GALNT6: variants seen among roughly 807,000 people sequenced by gnomAD.
GALNT6 encodes the protein polypeptide N-acetylgalactosaminyltransferase 6.
GALNT6 carries 51 observed loss-of-function variants against 65.9 expected under a neutral mutation model. The observed-to-expected ratio is 0.77, with a 90% confidence interval of 0.62 to 0.98. The LOEUF (loss-of-function observed/expected upper bound fraction) is 0.98. GALNT6 is among the 50% of genes least tolerant of loss of function. GALNT6 has a pLI of 0.00. For synonymous variants in GALNT6, 323 were observed against 315.1 expected, an observed-to-expected ratio of 1.02 and a Z score of -0.26; for missense variants, 708 against 803.3, an observed-to-expected ratio of 0.88 and a Z score of 1.43.
rs767866539 is a variant in GALNT6 at position 51,379,541 on chromosome 12, T to C, written c.241A>G (p.Thr81Ala). 1.2e-6 allele frequency: 2 copies of C among 1,613,926 alleles called. No homozygotes were observed. Among genetic ancestry groups the C allele is most frequent in the Non-Finnish European group, 1.7e-6 (2 of 1,179,984 alleles). The change falls in exon 3 of 12, where the codon ACT becomes GCT. Residue 81 changes from threonine (T) to alanine (A), a missense_variant. By Grantham distance (58) the Thr-to-Ala change is moderately conservative. Coordinates refer to ENST00000356317, the MANE Select transcript of GALNT6 (RefSeq NM_007210.4). ...LQIRAPEAQQ[T>A]LFSINQSCLP... ...CAGGACTGGTTTATGGAGAACAGAG[T>C]CTGCTGGGCTTCTGGAGCCCTGATT...
At chr12:51,379,140 G>T (rs1368877162) in intron 3 of GALNT6, 151 bp downstream of exon 3, 13 of 759,740 alleles carry the variant, frequency 1.7e-5, no homozygotes, top group Non-Finnish European at 2.6e-5. Context: ...CAGTTGTTCT[G>T]GGAAAGAAGT....
Position 51,367,457 on chromosome 12 carries a change from A to G in GALNT6, c.665-1878T>C, listed in dbSNP as rs554612254. 3.7e-4 allele frequency among the ~76,000 whole-genome samples: 57 copies of G among 152,336 alleles called. No homozygotes were observed. In the Middle Eastern group the frequency reaches 0.037, roughly 100 times the overall value. On this transcript the variant is annotated intron_variant, in intron 4 of 11. Transcript: ENST00000356317. ...TCAAAACAAAAAACAAACGAAGAATAGCTCTATTCTGAAGCAGTCCATCTT... is the reference window on the plus strand; with the variant it reads ...TCAAAACAAAAAACAAACGAAGAATGGCTCTATTCTGAAGCAGTCCATCTT...
rs142204436 is a variant in GALNT6 at position 51,389,818 on chromosome 12, G to C, written c.-104+1032C>G. ...GGCAAATATGTTTCTGACCTCACAG[G>C]GCACCTGACACACATCAGGGCCTCC... On this transcript the variant is annotated intron_variant, in intron 2 of 11. Coordinates refer to ENST00000356317, the MANE Select transcript of GALNT6 (RefSeq NM_007210.4). Among the ~76,000 whole-genome samples, 174 of 152,278 alleles carry C rather than the reference G, an allele frequency of 1.1e-3. 1 individual carries two copies. The highest frequency in any genetic ancestry group is 4.1e-3 in the African/African-American group (169 of 41,534).
intron 5 of GALNT6, among the ~76,000 whole-genome samples, chr12:51,364,812 C>T (rs781267446): frequency 1.2e-4 from 19 of 152,186 alleles, no homozygotes; most frequent in African/African-American, 2.9e-4. Context: ...AGCTTCTGCA[C>T]GTATTATTAC....
Position 51,387,364 on chromosome 12 carries a change from T to C in GALNT6, c.-104+3486A>G, listed in dbSNP as rs1947877092. 1.3e-5 allele frequency among the ~76,000 whole-genome samples: 2 copies of C among 152,172 alleles called. No homozygotes were observed. Among genetic ancestry groups the C allele is most frequent in the African/African-American group, 4.8e-5 (2 of 41,440 alleles). On this transcript the variant is annotated intron_variant, in intron 2 of 11. Coordinates refer to ENST00000356317, the MANE Select transcript of GALNT6 (RefSeq NM_007210.4). This position sits in a 1 kb window ranked among gnomAD's most constrained non-coding sequence, Gnocchi z 4.2. ...ATCTGTCTGCCTCGGCCTCCCAAAG[T>C]ACTAGGATTACAGGTGTGAGCCAAT...
chr12:51,368,685 C>T (rs555983791), intron 4 of GALNT6, among the ~76,000 whole-genome samples: 3 of 152,148 alleles, frequency 2.0e-5, no homozygotes, highest in African/African-American at 4.8e-5. Flanking sequence ...GAATTACAGG[C>T]GTGAGCCACT....
At chr12:51,384,480 C>T (rs1213676754) in intron 2 of GALNT6, among the ~76,000 whole-genome samples, 3 of 152,024 alleles carry the variant, frequency 2.0e-5, no homozygotes, top group Non-Finnish European at 2.9e-5. Context: ...TCACTTTAGG[C>T]CAGGAGTTCA....
In GALNT6 at chr12:51,358,212, T is replaced by C. The variant is rs747776825; in HGVS notation, c.1418A>G (p.His473Arg). ...SERLQLREQLHCHNFSWYLHN... is the reference protein window; with the variant it reads ...SERLQLREQLRCHNFSWYLHN... ...CAGGTACCAGGAAAAGTTGTGACAG[T>C]GCAGTTGTTCCCTCAGCTGCAGTCG... is the stretch of plus-strand genomic sequence containing the variant. Residue 473 changes from histidine (H) to arginine (R), a missense_variant, in exon 9 of 12, where the codon CAC becomes CGC. His to Arg is a conservative substitution (Grantham distance 29). Transcript: ENST00000356317. 1.2e-6 allele frequency: 2 copies of C among 1,613,878 alleles called. No homozygotes were observed. Among genetic ancestry groups the C allele is most frequent in the South Asian group, 1.1e-5 (1 of 91,080 alleles).
intron 6 of GALNT6, among the ~76,000 whole-genome samples, chr12:51,363,210 A>G (rs1262672693): frequency 6.6e-6 from 1 of 152,228 alleles, no homozygotes; most frequent in Admixed American, 6.5e-5. Context: ...GGCTACACTA[A>G]AAGTCACTCC....
chr12:51,387,316 T>C lies in GALNT6; in HGVS notation c.-104+3534A>G, dbSNP rs1947875715. Among the ~76,000 whole-genome samples, 1 of 152,196 alleles carries C rather than the reference T, an allele frequency of 6.6e-6. No homozygotes were observed. Among genetic ancestry groups the C allele is most frequent in the Admixed American group, 6.5e-5 (1 of 15,278 alleles). ...TGTTTCGCCATGTTGGCCAGGCTAG[T>C]CTTGAACTCCTGACCTCAAGTGATC... On this transcript the variant is annotated intron_variant, in intron 2 of 11. Transcript: ENST00000356317. This position sits in a 1 kb window ranked among gnomAD's most constrained non-coding sequence, Gnocchi z 4.2.
chr12:51,382,788 G>C (rs138656043), intron 2 of GALNT6, among the ~76,000 whole-genome samples: 1 of 152,200 alleles, frequency 6.6e-6, no homozygotes, highest in Admixed American at 6.5e-5. Context: ...TGACCCAGGA[G>C]AGTTAGTAGC....
At chr12:51,390,152 CTTTCTTTTTT>C (rs1947992198) in intron 2 of GALNT6, among the ~76,000 whole-genome samples, 3 of 68,980 alleles carry the variant, frequency 4.3e-5, no homozygotes, top group African/African-American at 1.7e-4. Flanking sequence ...TTCTTTCTTT[CTTTCTTTTTT>C]TTTTTTTTTT....
Position 51,364,240 on chromosome 12 carries a change from C to A in GALNT6, c.930G>T (p.Lys310Asn). The A allele has an allele frequency of 6.2e-7, 1 of 1,614,118 alleles. No individual in the cohort carries two copies. The highest frequency in any genetic ancestry group is 8.5e-7 in the Non-Finnish European group (1 of 1,179,986). ...TATGGACTCTGCCCCTCTGGACGGG[C>A]TTGGCGAACTCAAAAGTATTAAGGT... The part of the protein sequence containing the change: ...TIDLNTFEFA[K>N]PVQRGRVHSR... Residue 310 changes from lysine to asparagine, a missense_variant, in exon 6 of 12, where the codon AAG (lysine) becomes AAT (asparagine). Coordinates refer to ENST00000356317, the MANE Select transcript of GALNT6 (RefSeq NM_007210.4).
At chr12:51,380,140 A>G (rs1176242380) in intron 2 of GALNT6, among the ~76,000 whole-genome samples, 1 of 152,216 alleles carries the variant, frequency 6.6e-6, no homozygotes, top group Non-Finnish European at 1.5e-5. Context: ...TTTAATCATT[A>G]AACTCATGAG....
At chr12:51,357,486 G>C (rs1170854811) in intron 9 of GALNT6, 36 bp from the exon 10 acceptor site, 2 of 1,484,364 alleles carry the variant, frequency 1.3e-6, no homozygotes, top group Admixed American at 3.3e-5. Context: ...AAGCAGGATG[G>C]CACAGTCAGG....
chr12:51,390,227 A>C (rs1022039910), intron 2 of GALNT6, among the ~76,000 whole-genome samples: 15 of 134,000 alleles, frequency 1.1e-4, no homozygotes, highest in Non-Finnish European at 1.5e-4. Context: ...CAATGGTGCG[A>C]TCTCAGCTCA....
chr12:51,354,955 T>C (rs1277969722), intron 11 of GALNT6, among the ~76,000 whole-genome samples: 3 of 152,084 alleles, frequency 2.0e-5, no homozygotes, highest in Non-Finnish European at 2.9e-5. Context: ...GGCGGTTACA[T>C]GGCATATCCT....
intron 4 of GALNT6, among the ~76,000 whole-genome samples, chr12:51,368,698 G>A (rs942599818): frequency 1.3e-5 from 2 of 151,558 alleles, no homozygotes. Flanking sequence ...GAGCCACTAC[G>A]CCCCGCCCAC....
At position 51,358,056 on chromosome 12, in the gene GALNT6, G is replaced by A. The variant is rs777267314; in HGVS notation, c.1500+74C>T. The A allele has an allele frequency of 3.0e-5, 42 of 1,377,298 alleles. No homozygotes were observed. In the African/African-American group the frequency reaches 4.0e-4, roughly 13 times the overall value. 85.3% of individuals were successfully genotyped at this position (1,377,298 alleles called of 1,614,324 possible). A position where few individuals can be genotyped will look rare whatever the true frequency, so the allele number is the denominator to read the frequency against. On this transcript the variant is annotated intron_variant, in intron 9 of 11. Coordinates refer to ENST00000356317, the MANE Select transcript of GALNT6 (RefSeq NM_007210.4). The stretch of plus-strand genomic sequence containing the variant: ...CTCAATTCTTGTTTGTCATCCATCT[G>A]TGGGGTCAGTGGTCTTGAACTTCTC...
Sources: allele counts gnomAD v4.1 joint callset (sites outside exome capture counted in the v4.1 genomes callset), GRCh38; gene constraint gnomAD v4.1.1; non-coding constraint Gnocchi (gnomAD v3.1); transcripts MANE v1.5; gene names NCBI Gene and HGNC (gene_info 2026-07-23, HGNC 2026-07-21).